Variants in CCSER1 observed in about 807,000 individuals in gnomAD.
CCSER1 encodes serine-rich coiled-coil domain-containing protein 1.
A neutral mutation model predicts 82.0 loss-of-function variants in CCSER1; 41 were observed. The observed-to-expected ratio is 0.50, with a 90% CI of 0.39 to 0.65. The LOEUF is 0.65. Among genes scored for constraint, CCSER1 ranks in the 30% least tolerant of loss-of-function variants. The pLI, the probability that CCSER1 is intolerant of heterozygous loss-of-function variation, is 0.00. For missense variants in CCSER1, 1,119 were observed against 1,064.2 expected (o/e 1.05, Z -0.72); for synonymous variants, 414 against 383.9 (o/e 1.08, Z -0.92).
chr4:91,124,456 G>A (rs1727334822), intron 10 of CCSER1, among the ~76,000 whole-genome samples: 1 of 151,464 alleles, frequency 6.6e-6, no homozygotes, highest in African/African-American at 2.4e-5. Context: ...TTATCCTCAT[G>A]AACAGTTTCC....
intron 10 of CCSER1, among the ~76,000 whole-genome samples, chr4:91,460,324 G>A (rs1560688817): frequency 2.6e-5 from 4 of 151,848 alleles, no homozygotes; most frequent in South Asian, 4.2e-4. Context: ...TTGGATTTTC[G>A]GCATCCAGCC....
chr4:91,177,351 A>T (rs1733503776), intron 10 of CCSER1, among the ~76,000 whole-genome samples: 1 of 152,124 alleles, frequency 6.6e-6, no homozygotes, highest in South Asian at 2.1e-4. Flanking sequence ...GTAATGGAGG[A>T]TTCCCTCTTT....
chr4:90,893,429 C>A (rs1205739681), intron 8 of CCSER1, among the ~76,000 whole-genome samples: 4 of 151,766 alleles, frequency 2.6e-5, no homozygotes, highest in South Asian at 2.1e-4. Flanking sequence ...AAAACCCCTG[C>A]CAATATAAAT....
At chr4:90,674,627 T>A (rs944353562) in intron 6 of CCSER1, among the ~76,000 whole-genome samples, 2 of 152,056 alleles carry the variant, frequency 1.3e-5, no homozygotes, top group African/African-American at 4.8e-5. Flanking sequence ...ATATTTATGT[T>A]CACTAAAAAA....
chr4:90,664,907 T>G (rs1731449181), intron 6 of CCSER1, among the ~76,000 whole-genome samples: 1 of 152,108 alleles, frequency 6.6e-6, no homozygotes. Context: ...TCTCAAATAA[T>G]TAAGAAAATA....
At chr4:90,447,983 T>C (rs1233513872) in intron 4 of CCSER1, among the ~76,000 whole-genome samples, 1 of 152,144 alleles carries the variant, frequency 6.6e-6, no homozygotes, top group Admixed American at 6.6e-5. Flanking sequence ...TTCCTAACAG[T>C]GTGTAATTTT....
chr4:90,756,008 G>A (rs994192430), intron 7 of CCSER1, among the ~76,000 whole-genome samples: 2 of 152,134 alleles, frequency 1.3e-5, no homozygotes, highest in African/African-American at 4.8e-5. Context: ...GGGTGGATCA[G>A]TTGAAGTCAG....
chr4:91,463,412 C>A (rs1401773261), intron 10 of CCSER1, among the ~76,000 whole-genome samples: 1 of 152,156 alleles, frequency 6.6e-6, no homozygotes, highest in African/African-American at 2.4e-5. Flanking sequence ...GGGGAAAAAA[C>A]AGAGCAAAAA....
intron 10 of CCSER1, among the ~76,000 whole-genome samples, chr4:91,356,837 G>A (rs1472225071): frequency 6.6e-6 from 1 of 152,126 alleles, no homozygotes; most frequent in Non-Finnish European, 1.5e-5. Flanking sequence ...GACCTGCAGG[G>A]ACTTCAGGAT....
chr4:90,551,696 C>CTCTCTCTCTG (rs1777506850), intron 5 of CCSER1, among the ~76,000 whole-genome samples: 1 of 118,130 alleles, frequency 8.5e-6, no homozygotes, highest in Non-Finnish European at 1.7e-5. Flanking sequence ...CTCTCTCTCT[C>CTCTCTCTCTG]TCTCTCTCTC....
chr4:90,906,261 G>A (rs192023774), intron 8 of CCSER1, among the ~76,000 whole-genome samples: 14 of 152,214 alleles, frequency 9.2e-5, no homozygotes, highest in Admixed American at 3.9e-4. Flanking sequence ...GAAACTTGAA[G>A]GATAATGAAT....
chr4:91,467,315 T>G (rs921571618), intron 10 of CCSER1, among the ~76,000 whole-genome samples: 1 of 152,342 alleles, frequency 6.6e-6, no homozygotes, highest in Non-Finnish European at 1.5e-5. Flanking sequence ...AAGCTGAAAC[T>G]GGATCCCTTC....
At position 90,167,006 on chromosome 4, in the gene CCSER1, A is replaced by C. The variant is rs1276412511; in HGVS notation, c.-42+39175A>C. On this transcript the variant is annotated intron_variant, in intron 1 of 10. Coordinates refer to ENST00000509176, the MANE Select transcript of CCSER1 (RefSeq NM_001145065.2). ...TTAGTGAAATTCTTTAATCAAGCGTAAGTTTATGTTATATCATCTTCTTAT... is the reference window on the plus strand; with the variant it reads ...TTAGTGAAATTCTTTAATCAAGCGTCAGTTTATGTTATATCATCTTCTTAT... Among the ~76,000 whole-genome samples the C allele has an allele frequency of 3.9e-5, 6 of 152,146 alleles. No homozygotes were observed. The East Asian group carries it at 1.2e-3, about 29-fold the overall frequency.
Position 91,381,395 on chromosome 4 carries a change from A to C in CCSER1, c.2218-217177A>C, listed in dbSNP as rs549964310. Among the ~76,000 whole-genome samples, 3 of 152,258 alleles carry C rather than the reference A, an allele frequency of 2.0e-5. No homozygotes were observed. The South Asian group carries it at 6.2e-4, about 32-fold the overall frequency. On this transcript the variant is annotated intron_variant, in intron 10 of 10. Transcript: ENST00000509176. The stretch of plus-strand genomic sequence containing the variant: ...ACTTTCAGGTACACCAATCAGACCT[A>C]GATTTGGTCTTTTCACATAGTCCCA...
chr4:90,357,108 C>A (rs1271228379), intron 3 of CCSER1, among the ~76,000 whole-genome samples: 4 of 151,724 alleles, frequency 2.6e-5, no homozygotes, highest in Non-Finnish European at 1.5e-5. Flanking sequence ...GTTCTTTGGC[C>A]TTTTTATCAT....
intron 10 of CCSER1, among the ~76,000 whole-genome samples, chr4:91,189,014 T>C (rs1239912852): frequency 1.3e-5 from 2 of 152,154 alleles, no homozygotes; most frequent in Non-Finnish European, 2.9e-5. Flanking sequence ...AATTCTAATA[T>C]GTTAAAATTT....
chr4:90,996,310 G>C (rs17017921), intron 9 of CCSER1, among the ~76,000 whole-genome samples: 7,779 of 152,074 alleles, frequency 0.051, 496 homozygotes, highest in African/African-American at 0.15. Flanking sequence ...TTGAGAATTT[G>C]TTGGGACCAT....
chr4:90,341,718 T>C (rs1355345665), intron 3 of CCSER1, among the ~76,000 whole-genome samples: 1 of 152,140 alleles, frequency 6.6e-6, no homozygotes, highest in Non-Finnish European at 1.5e-5. Context: ...AGTTTCTTTT[T>C]CTCTAGGCTG....
intron 10 of CCSER1, among the ~76,000 whole-genome samples, chr4:91,092,195 A>T (rs899753096): frequency 6.6e-6 from 1 of 152,172 alleles, no homozygotes; most frequent in African/African-American, 2.4e-5. Flanking sequence ...GGTAGGCGGC[A>T]TGTAGCTTCC....
Sources: allele counts gnomAD v4.1 joint callset (sites outside exome capture counted in the v4.1 genomes callset), GRCh38; gene constraint gnomAD v4.1.1; transcripts MANE v1.5; gene names NCBI Gene and HGNC (gene_info 2026-07-23, HGNC 2026-07-21).